The following NBPF3 variants were observed in gnomAD, a reference collection of about 807,000 sequenced individuals.
NBPF3 encodes the protein NBPF member 3, also known as NBPF family member NBPF3.
A neutral mutation model predicts 78.1 loss-of-function variants in NBPF3; 57 were observed. That is an observed-to-expected ratio of 0.73 (90% CI 0.59 to 0.91). The LOEUF (loss-of-function observed/expected upper bound fraction) is 0.91. Ranked by LOEUF, NBPF3 falls within the 40% of genes least tolerant of loss-of-function variation. The pLI is 0.00. For missense variants in NBPF3, 510 were observed against 715.3 expected (o/e 0.71, Z 3.27); for synonymous variants, 182 against 271.7 (o/e 0.67, Z 3.25).
intron 7 of NBPF3, 72 bp downstream of exon 7, chr1:21,473,657 T>C: frequency 7.9e-7 from 1 of 1,273,424 alleles, no homozygotes; most frequent in Non-Finnish European, 1.1e-6. Flanking sequence ...ACAGGCTCTA[T>C]ACACACAGAT....
chr1:21,442,669 A>ATT (rs112275167), intron 1 of NBPF3, among the ~76,000 whole-genome samples: 38 of 128,484 alleles, frequency 3.0e-4, no homozygotes, highest in African/African-American at 1.1e-3. Flanking sequence ...CAGTTTTTGC[A>ATT]TTTTTTTTTT....
rs1570095624 is a variant in NBPF3 at position 21,478,450 on chromosome 1, CT to C, written c.1156+144del. ...TATATATCAATGTAGATTTCAATCA[CT>C]CTGGAATCGAGTCTGAAGCACAGGC... On this transcript the variant is annotated intron_variant, in intron 9 of 14. Coordinates refer to ENST00000318249, the MANE Select transcript of NBPF3 (RefSeq NM_032264.6). 16 of 1,054,200 alleles carry C rather than the reference CT, an allele frequency of 1.5e-5. No homozygotes were observed. In the East Asian group the frequency reaches 3.8e-4, roughly 25 times the overall value. 65.3% of individuals were successfully genotyped at this position (1,054,200 alleles called of 1,614,324 possible). A position where few individuals can be genotyped will look rare whatever the true frequency, so the allele number is the denominator to read the frequency against.
At chr1:21,467,797 G>A (rs1351228894) in intron 2 of NBPF3, among the ~76,000 whole-genome samples, 1 of 152,150 alleles carries the variant, frequency 6.6e-6, no homozygotes, top group South Asian at 2.1e-4. Context: ...CATAAGTGAC[G>A]AGTATAAAAT....
Position 21,445,170 on chromosome 1 carries a change from A to T in NBPF3, c.84A>T (p.Arg28Ser). 5.0e-6 allele frequency: 8 copies of T among 1,611,916 alleles called. No individual in the cohort carries two copies. The highest frequency in any genetic ancestry group is 6.8e-6 in the Non-Finnish European group (8 of 1,179,836). The change falls in exon 2 of 15, where the codon AGA becomes AGT. Residue 28 changes from arginine to serine, a missense_variant. Physicochemically the swap from Arg to Ser is moderately radical, Grantham distance 110. Around this residue, in one of 5 missense-constraint regions of NBPF3, gnomAD observed 440 missense variants for 478.2 expected, o/e 0.92. Transcript: ENST00000318249. ...AAACTTCCCCATTCGGTGCACCAAGAGCAGCCTCACATGGTGTGGGCCGAC... is the reference window on the plus strand; with the variant it reads ...AAACTTCCCCATTCGGTGCACCAAGTGCAGCCTCACATGGTGTGGGCCGAC... The part of the protein sequence containing the change: ...DVETSPFGAP[R>S]AASHGVGRHQ...
chr1:21,482,148 A>G (rs1261731751), intron 13 of NBPF3, among the ~76,000 whole-genome samples: 3 of 150,762 alleles, frequency 2.0e-5, no homozygotes, highest in Non-Finnish European at 3.0e-5. Context: ...TTGATGAGAC[A>G]GGGCTGAATA....
intron 3 of NBPF3, among the ~76,000 whole-genome samples, chr1:21,469,304 A>G (rs1021546696): frequency 3.3e-5 from 5 of 152,222 alleles, no homozygotes; most frequent in African/African-American, 9.6e-5. Flanking sequence ...TTGAGGCCCA[A>G]TAGGCAAAGC....
intron 2 of NBPF3, chr1:21,451,936 T>G (rs568510363): frequency 5.0e-5 from 38 of 754,820 alleles, no homozygotes; most frequent in Non-Finnish European, 5.5e-5. Context: ...AGAGAGCTTT[T>G]TTGAAAGATG....
chr1:21,470,996 C>T (rs114326654), intron 4 of NBPF3, among the ~76,000 whole-genome samples: 4,538 of 152,170 alleles, frequency 0.03, 92 homozygotes, highest in Non-Finnish European at 0.045. Flanking sequence ...CAAAATTAAC[C>T]GAAGGAGTGG....
At chr1:21,478,123 C>T (rs1642981458) in intron 8 of NBPF3, 21 bp from the exon 9 acceptor site, 8 of 1,613,502 alleles carry the variant, frequency 5.0e-6, no homozygotes, top group Non-Finnish European at 6.8e-6. Flanking sequence ...TCTGTCATCC[C>T]TGTCCTGCCT....
chr1:21,454,007 C>T (rs1032364455), intron 2 of NBPF3: 1 of 152,198 alleles, frequency 6.6e-6, no homozygotes, highest in African/African-American at 2.4e-5. Context: ...AAACTAAGGG[C>T]ACCTGTGGTG....
chr1:21,471,390 G>A (rs1265652646), intron 4 of NBPF3, among the ~76,000 whole-genome samples, 179 bp from the exon 5 acceptor site: 1 of 152,156 alleles, frequency 6.6e-6, no homozygotes, highest in African/African-American at 2.4e-5. Flanking sequence ...TCATACAGAG[G>A]AAGCCTGTGA....
chr1:21,455,025 T>C (rs1419258234), intron 2 of NBPF3, among the ~76,000 whole-genome samples: 4 of 152,152 alleles, frequency 2.6e-5, no homozygotes, highest in African/African-American at 7.2e-5. Flanking sequence ...GACTGAGATC[T>C]CTGTTTTCTT....
chr1:21,478,410 A>G, intron 9 of NBPF3, 103 bp downstream of exon 9: 2 of 1,259,340 alleles, frequency 1.6e-6, no homozygotes, highest in Non-Finnish European at 2.3e-6. Context: ...AGTTGCCATC[A>G]CTGTGGGTGG....
intron 6 of NBPF3, 49 bp downstream of exon 6, chr1:21,472,964 A>G: frequency 2.2e-6 from 3 of 1,340,240 alleles, no homozygotes; most frequent in Non-Finnish European, 3.2e-6. Flanking sequence ...CATATGAAAA[A>G]GGTCTAGGAG....
At position 21,478,975 on chromosome 1, in the gene NBPF3, A is replaced by G. The variant is rs535191840; in HGVS notation, c.1157-374A>G. On this transcript the variant is annotated intron_variant, in intron 9 of 14. Coordinates refer to ENST00000318249, the MANE Select transcript of NBPF3 (RefSeq NM_032264.6). ...CCTCCATCAAATCTCAGTGTCCACA[A>G]TCTCATAAACTATCAAATCTGGGTA... 2.6e-5 allele frequency among the ~76,000 whole-genome samples: 4 copies of G among 152,360 alleles called. No homozygotes were observed. The South Asian group carries it at 6.2e-4, about 24-fold the overall frequency.
At chr1:21,481,501 T>A in intron 12 of NBPF3, 96 bp from the exon 13 acceptor site, 1 of 1,429,900 alleles carries the variant, frequency 7.0e-7, no homozygotes, top group East Asian at 2.4e-5. Flanking sequence ...CCTTTTTCTT[T>A]TTTAACCACT....
At chr1:21,443,409 T>G (rs1640776221) in intron 1 of NBPF3, among the ~76,000 whole-genome samples, 1 of 152,166 alleles carries the variant, frequency 6.6e-6, no homozygotes, top group Non-Finnish European at 1.5e-5. Context: ...CAGTTTTGAC[T>G]CTTTTATTTA....
upstream of NBPF3, chr1:21,437,344 G>A: frequency 2.1e-6 from 1 of 480,284 alleles, no homozygotes; most frequent in Non-Finnish European, 3.6e-6. Flanking sequence ...GAGTTGTCCG[G>A]GACCCCAGGG....
chr1:21,470,768 A>G, intron 4 of NBPF3, 34 bp downstream of exon 4: 1 of 1,441,118 alleles, frequency 6.9e-7, no homozygotes. Flanking sequence ...GCAGGTGGGC[A>G]GGTGTGTAAA....
Sources: allele counts gnomAD v4.1 joint callset (sites outside exome capture counted in the v4.1 genomes callset), GRCh38; gene constraint gnomAD v4.1.1; regional missense constraint gnomAD v4.1.1; transcripts MANE v1.5; gene names NCBI Gene and HGNC (gene_info 2026-07-23, HGNC 2026-07-21).